Variants in LRRTM4 observed in about 807,000 individuals in gnomAD.
The protein encoded by LRRTM4 is leucine-rich repeat transmembrane neuronal protein 4.
Under a neutral mutation model 47.6 loss-of-function variants are expected in LRRTM4, and 25 were observed. That is an observed-to-expected ratio of 0.53 (90% CI 0.38 to 0.73). LRRTM4 has a LOEUF of 0.73. Among genes scored for constraint, LRRTM4 ranks in the 30% least tolerant of loss-of-function variants. The probability of loss-of-function intolerance (pLI) is 0.00; values close to 1 mark genes in which losing one functional copy is unlikely to be tolerated. For missense variants in LRRTM4, 638 were observed against 713.4 expected (o/e 0.89, Z 1.20); for synonymous variants, 311 against 269.5 (o/e 1.15, Z -1.51).
At chr2:76,932,048 T>C (rs773736167) in intron 3 of LRRTM4, among the ~76,000 whole-genome samples, 4 of 152,182 alleles carry the variant, frequency 2.6e-5, no homozygotes, top group African/African-American at 9.6e-5. Context: ...GATCAGTAAC[T>C]ACTGTGTTTC....
rs1006793976 is a variant in LRRTM4 at position 76,799,054 on chromosome 2, C to G, written c.1552-50138G>C. ...GGAGCTGGTACCATTCCTTCTGAAA[C>G]TATTCCAATCAATAGAAAAAGAGGG... On this transcript the variant is annotated intron_variant, in intron 3 of 3. Transcript: ENST00000409884. Among the ~76,000 whole-genome samples, 45 of 149,592 alleles carry G rather than the reference C, an allele frequency of 3.0e-4. 1 individual carries two copies. The highest frequency in any genetic ancestry group is 2.6e-3 in the Admixed American group (39 of 15,048).
intron 3 of LRRTM4, among the ~76,000 whole-genome samples, chr2:76,938,434 G>C (rs1283370061): frequency 6.6e-6 from 1 of 152,054 alleles, no homozygotes; most frequent in Non-Finnish European, 1.5e-5. Context: ...CTTTTAGAGT[G>C]ATTTTACTGA....
intron 3 of LRRTM4, among the ~76,000 whole-genome samples, chr2:77,187,513 T>C (rs1673545010): frequency 6.6e-6 from 1 of 151,086 alleles, no homozygotes; most frequent in Admixed American, 6.6e-5. Context: ...TTAGGAGATA[T>C]ACCTAATGCT....
At chr2:76,960,709 C>T (rs1013984515) in intron 3 of LRRTM4, among the ~76,000 whole-genome samples, 12 of 151,400 alleles carry the variant, frequency 7.9e-5, no homozygotes, top group African/African-American at 1.7e-4. Flanking sequence ...AAGTTTTGAA[C>T]CTTATTGTCA....
In LRRTM4 at chr2:77,283,477, T is replaced by A. The variant is rs1215749180; in HGVS notation, c.1551+234841A>T. Among the ~76,000 whole-genome samples the A allele has an allele frequency of 4.0e-5, 6 of 151,334 alleles. No homozygotes were observed. The South Asian group carries it at 1.2e-3, about 31-fold the overall frequency. On this transcript the variant is annotated intron_variant, in intron 3 of 3. Coordinates refer to ENST00000409884, the MANE Select transcript of LRRTM4 (RefSeq NM_001134745.3). ...TAGCAATCCCATTACTGTGTATGTA[T>A]CCAAAAGAAAACAAATGTTCCTACC...
At chr2:77,343,642 C>T (rs966386491) in intron 3 of LRRTM4, among the ~76,000 whole-genome samples, 3 of 151,874 alleles carry the variant, frequency 2.0e-5, no homozygotes, top group Non-Finnish European at 4.4e-5. Context: ...GAATCTCCAG[C>T]TGCATTTAGC....
intron 3 of LRRTM4, among the ~76,000 whole-genome samples, chr2:77,030,104 A>C (rs1678600962): frequency 6.6e-6 from 1 of 152,218 alleles, no homozygotes; most frequent in South Asian, 2.1e-4. Context: ...ACAAGTTCCA[A>C]TTATCACAGA....
chr2:76,984,223 G>A (rs556277939), intron 3 of LRRTM4, among the ~76,000 whole-genome samples: 1 of 152,068 alleles, frequency 6.6e-6, no homozygotes, highest in Admixed American at 6.6e-5. Context: ...ACAGCTTTAT[G>A]ATGTATTGTT....
intron 3 of LRRTM4, among the ~76,000 whole-genome samples, chr2:76,799,718 A>C (rs1230174703): frequency 2.2e-5 from 3 of 134,076 alleles, no homozygotes; most frequent in African/African-American, 9.0e-5. Context: ...GTCTCAGCCC[A>C]AAATCTCCTT....
chr2:76,748,659 C>G lies in LRRTM4; in HGVS notation c.*36G>C, dbSNP rs190780528. On this transcript the variant is annotated 3_prime_UTR_variant, in exon 4 of 4. Coordinates refer to ENST00000409884, the MANE Select transcript of LRRTM4 (RefSeq NM_001134745.3). ...TTTAAGATGAAGGCCCTCCCTCCCCCCCATGGAGCTCCCCAGTGAGGAGTT... is the reference window on the plus strand; with the variant it reads ...TTTAAGATGAAGGCCCTCCCTCCCCGCCATGGAGCTCCCCAGTGAGGAGTT... 6,105 of 1,432,152 alleles carry G rather than the reference C, an allele frequency of 4.3e-3. 107 individuals are homozygous for G. Among genetic ancestry groups the G allele is most frequent in the South Asian group, 0.028 (2,461 of 87,444 alleles). 88.7% of individuals were successfully genotyped at this position (1,432,152 alleles called of 1,614,324 possible). A position where few individuals can be genotyped will look rare whatever the true frequency, so the allele number is the denominator to read the frequency against.
intron 3 of LRRTM4, among the ~76,000 whole-genome samples, chr2:77,059,476 GT>G (rs11316757): frequency 0.2 from 29,965 of 152,032 alleles, 3,781 homozygotes; most frequent in African/African-American, 0.36. Context: ...ACACAAGCTC[GT>G]TGAGTGTGGT....
chr2:77,152,676 A>T (rs1009102689), intron 3 of LRRTM4, among the ~76,000 whole-genome samples: 20 of 152,268 alleles, frequency 1.3e-4, no homozygotes, highest in Middle Eastern at 3.4e-3. Context: ...GATAGTAATT[A>T]TACTTCAAGG....
At chr2:77,197,779 T>A (rs555236365) in intron 3 of LRRTM4, among the ~76,000 whole-genome samples, 1 of 152,304 alleles carries the variant, frequency 6.6e-6, no homozygotes, top group African/African-American at 2.4e-5. Flanking sequence ...TTTGCCTAAT[T>A]TATCATTATG....
At chr2:77,362,162 A>AAGG (rs1553434441) in intron 3 of LRRTM4, among the ~76,000 whole-genome samples, 3 of 112,828 alleles carry the variant, frequency 2.7e-5, no homozygotes, top group Non-Finnish European at 3.4e-5. Flanking sequence ...AGAAAGAAAG[A>AAGG]AAGAAAGAAA....
chr2:76,755,206 T>A (rs559624668), intron 3 of LRRTM4, among the ~76,000 whole-genome samples: 1 of 152,280 alleles, frequency 6.6e-6, no homozygotes, highest in East Asian at 1.9e-4. Context: ...TGTTCAATAT[T>A]TATATAGATT....
At chr2:77,429,018 G>A (rs1675241481) in intron 3 of LRRTM4, among the ~76,000 whole-genome samples, 1 of 152,064 alleles carries the variant, frequency 6.6e-6, no homozygotes, top group African/African-American at 2.4e-5. Flanking sequence ...TCATTCCCTG[G>A]GTTTGACAGT....
chr2:77,395,776 T>C (rs1673677335), intron 3 of LRRTM4, among the ~76,000 whole-genome samples: 1 of 151,998 alleles, frequency 6.6e-6, no homozygotes, highest in Non-Finnish European at 1.5e-5. Context: ...TTAAGTCCAC[T>C]GGACCAAAGC....
At chr2:76,776,507 A>G (rs889764464) in intron 3 of LRRTM4, among the ~76,000 whole-genome samples, 14 of 152,270 alleles carry the variant, frequency 9.2e-5, no homozygotes, top group African/African-American at 3.1e-4. Flanking sequence ...TCTGATGGCC[A>G]GTGATGATGA....
intron 3 of LRRTM4, among the ~76,000 whole-genome samples, chr2:77,356,771 A>G (rs1671982918): frequency 1.3e-5 from 2 of 152,140 alleles, no homozygotes; most frequent in Admixed American, 6.5e-5. Flanking sequence ...CACCAGGGCC[A>G]ATTAGTATTG....
Sources: allele counts gnomAD v4.1 joint callset (sites outside exome capture counted in the v4.1 genomes callset), GRCh38; gene constraint gnomAD v4.1.1; transcripts MANE v1.5; gene names NCBI Gene and HGNC (gene_info 2026-07-23, HGNC 2026-07-21).